CLVS1: variants seen among roughly 807,000 people sequenced by gnomAD.
The protein encoded by CLVS1 is clavesin 1.
Under a neutral mutation model 33.1 loss-of-function variants are expected in CLVS1, and 10 were observed. The observed-to-expected ratio is 0.30, with a 90% confidence interval of 0.19 to 0.51. CLVS1 has a LOEUF of 0.51. Among genes scored for constraint, CLVS1 ranks in the 20% least tolerant of loss-of-function variants. The pLI, the probability that CLVS1 is intolerant of heterozygous loss-of-function variation, is 0.97. For missense variants in CLVS1, 343 were observed against 433.4 expected (o/e 0.79, Z 1.85); for synonymous variants, 163 against 166.1 (o/e 0.98, Z 0.14).
intron 1 of CLVS1, among the ~76,000 whole-genome samples, chr8:61,085,180 G>A (rs567163522): frequency 3.5e-4 from 54 of 152,302 alleles, no homozygotes; most frequent in African/African-American, 1.1e-3. Context: ...TTCTAAGAGG[G>A]TTGAATAATG....
chr8:61,188,613 T>G (rs562150875), intron 2 of CLVS1, among the ~76,000 whole-genome samples: 1 of 152,196 alleles, frequency 6.6e-6, no homozygotes, highest in South Asian at 2.1e-4. Context: ...AATATAAAAA[T>G]TAAAATTGCT....
intron 1 of CLVS1, among the ~76,000 whole-genome samples, chr8:61,068,229 G>GTATATATATA (rs201671807): frequency 5.8e-4 from 59 of 101,006 alleles, no homozygotes; most frequent in African/African-American, 2.1e-3. Flanking sequence ...GTATGTATGT[G>GTATATATATA]TATATATATA....
intron 2 of CLVS1, among the ~76,000 whole-genome samples, chr8:61,276,707 A>G (rs1363839102): frequency 6.6e-6 from 1 of 152,252 alleles, no homozygotes; most frequent in East Asian, 1.9e-4. Flanking sequence ...ACTGAAAGAA[A>G]AAAATGAATA....
At chr8:61,460,127 CTT>C (rs1389526075) in intron 5 of CLVS1, among the ~76,000 whole-genome samples, 2 of 152,136 alleles carry the variant, frequency 1.3e-5, no homozygotes, top group African/African-American at 2.4e-5. Flanking sequence ...ATGAGGAAGA[CTT>C]CAGCCCATAG....
the CLVS1 span, among the ~76,000 whole-genome samples, chr8:60,967,365 G>A: frequency 3.3e-3 from 503 of 152,324 alleles, 3 homozygotes; most frequent in African/African-American, 0.012. Flanking sequence ...GTGAGGACAG[G>A]AGTGGTCAGA....
At chr8:61,202,964 C>T (rs1807767978) in intron 2 of CLVS1, 1 of 1,456,190 alleles carries the variant, frequency 6.9e-7, no homozygotes, top group African/African-American at 1.4e-5. Context: ...GCACAAAAGT[C>T]AAATCAGAAT....
rs56175445 is a variant in CLVS1 at position 61,112,139 on chromosome 8, C to G, written c.-242-19631C>G. 5.9e-3 allele frequency among the ~76,000 whole-genome samples: 887 copies of G among 151,594 alleles called. 6 individuals carry two copies. The highest frequency in any genetic ancestry group is 0.019 in the African/African-American group (786 of 41,292). ...ATAAGCATGATCTGCATTCCCACCA[C>G]CTATCATAATCGCTGTTATTATTTT... On this transcript the variant is annotated intron_variant, in intron 1 of 2. Transcript: ENST00000522621.
At chr8:61,352,037 C>T (rs776273422) in intron 2 of CLVS1, among the ~76,000 whole-genome samples, 1 of 151,942 alleles carries the variant, frequency 6.6e-6, no homozygotes, top group Non-Finnish European at 1.5e-5. Flanking sequence ...AATAAACTAT[C>T]TTTTATCTCA....
At chr8:61,324,764 G>A (rs374001924) in intron 2 of CLVS1, among the ~76,000 whole-genome samples, 14 of 152,110 alleles carry the variant, frequency 9.2e-5, no homozygotes, top group Admixed American at 2.0e-4. Context: ...GGGTTGAATT[G>A]TATTTCTGCC....
the CLVS1 span, among the ~76,000 whole-genome samples, chr8:61,029,794 G>T: frequency 6.6e-6 from 1 of 152,086 alleles, no homozygotes; most frequent in Admixed American, 6.5e-5. Flanking sequence ...ACATTGGGGC[G>T]TATTAGTTCC....
chr8:61,168,024 T>C (rs1408892885), intron 2 of CLVS1, among the ~76,000 whole-genome samples: 1 of 152,242 alleles, frequency 6.6e-6, no homozygotes, highest in Non-Finnish European at 1.5e-5. Flanking sequence ...TTTACTTTCC[T>C]GGAAAACTTG....
chr8:61,385,305 G>A (rs1213991775), intron 3 of CLVS1, among the ~76,000 whole-genome samples: 1 of 152,174 alleles, frequency 6.6e-6, no homozygotes, highest in African/African-American at 2.4e-5. Context: ...AATGAAGTGT[G>A]ATATGGCTGT....
At chr8:61,185,447 C>T (rs1807327653) in intron 2 of CLVS1, among the ~76,000 whole-genome samples, 1 of 152,038 alleles carries the variant, frequency 6.6e-6, no homozygotes, top group Non-Finnish European at 1.5e-5. Context: ...AACCACCACT[C>T]TCAGTTAAGA....
chr8:61,077,083 CT>C (rs200903613), intron 1 of CLVS1, among the ~76,000 whole-genome samples: 43 of 148,904 alleles, frequency 2.9e-4, no homozygotes, highest in Admixed American at 3.3e-4. Context: ...TTTTCTTTAT[CT>C]TTTTTTTTTG....
intron 2 of CLVS1, among the ~76,000 whole-genome samples, chr8:61,149,506 C>G (rs548335925): frequency 2.2e-5 from 3 of 139,306 alleles, no homozygotes; most frequent in African/African-American, 8.2e-5. Flanking sequence ...GGGCCAAGAT[C>G]ACGCCACTGT....
chr8:61,410,493 T>G (rs1199722192), intron 3 of CLVS1, among the ~76,000 whole-genome samples: 1 of 152,196 alleles, frequency 6.6e-6, no homozygotes, highest in Non-Finnish European at 1.5e-5. Context: ...GAAATAGAGT[T>G]GATTATCCAA....
chr8:61,326,620 G>C (rs1039263008), intron 2 of CLVS1, among the ~76,000 whole-genome samples: 1 of 152,152 alleles, frequency 6.6e-6, no homozygotes, highest in African/African-American at 2.4e-5. Flanking sequence ...CATAATCGCA[G>C]TACAGAGGAA....
chr8:61,155,599 C>T (rs75751849), intron 2 of CLVS1, among the ~76,000 whole-genome samples: 11 of 152,048 alleles, frequency 7.2e-5, no homozygotes, highest in South Asian at 6.2e-4. Context: ...AAGGAAACCA[C>T]GGTACTTAAC....
intron 2 of CLVS1, among the ~76,000 whole-genome samples, chr8:61,336,641 T>C (rs1811817567): frequency 6.6e-6 from 1 of 152,020 alleles, no homozygotes; most frequent in Admixed American, 6.5e-5. Flanking sequence ...AGAGGAGACT[T>C]ACAGAAGCTA....
Sources: allele counts gnomAD v4.1 joint callset (sites outside exome capture counted in the v4.1 genomes callset), GRCh38; gene constraint gnomAD v4.1.1; transcripts MANE v1.5; gene names NCBI Gene and HGNC (gene_info 2026-07-23, HGNC 2026-07-21).